KIAA1549: variants seen among roughly 807,000 people sequenced by gnomAD.
KIAA1549 encodes UPF0606 protein KIAA1549.
In KIAA1549, 70 loss-of-function variants were observed where a neutral mutation model predicts 156.4. The ratio of observed to expected loss-of-function variants is 0.45; its 90% confidence interval spans 0.37 to 0.55. The LOEUF (loss-of-function observed/expected upper bound fraction) is 0.55, where lower values mean the gene tolerates loss of function less well. Ranked by LOEUF, KIAA1549 falls within the 20% of genes least tolerant of loss-of-function variation. The pLI is 0.00. For missense variants in KIAA1549, 2,428 were observed against 2,540.9 expected (o/e 0.96, Z 0.96); for synonymous variants, 1,103 against 1,066.4 (o/e 1.03, Z -0.67).
At chr7:138,910,700 A>ATTTTTTTTTTTTT (rs10686011) in intron 4 of KIAA1549, among the ~76,000 whole-genome samples, 1 of 112,028 alleles carries the variant, frequency 8.9e-6, no homozygotes, top group Non-Finnish European at 1.7e-5. Flanking sequence ...ACTTGGTCTA[A>ATTTTTTTTTTTTT]TTTTTTTTTT....
intron 19 of KIAA1549, among the ~76,000 whole-genome samples, chr7:138,838,911 C>A (rs186497188): frequency 2.0e-5 from 3 of 152,172 alleles, no homozygotes; most frequent in Admixed American, 1.3e-4. Context: ...ATACTTGTAA[C>A]CCCAATCCTT....
In KIAA1549 at chr7:138,879,569, G is replaced by A. The variant is rs370231729; in HGVS notation, c.4314C>T (p.Asn1438=). 2.5e-5 allele frequency: 39 copies of A among 1,568,058 alleles called. No homozygotes were observed. In the African/African-American group the frequency reaches 3.0e-4, roughly 12 times the overall value. The part of the protein sequence containing the change: ...DAGDKTPGAV[N]DGRSHRAPQS... Reference sequence around the variant, plus strand: ...GCGGAGCTCTGTGGGACCTGCCATCGTTGACGGCTCCCGGCGTCTTATCTC... The same window carrying A: ...GCGGAGCTCTGTGGGACCTGCCATCATTGACGGCTCCCGGCGTCTTATCTC... Residue 1438 remains asparagine (N), a synonymous_variant, in exon 12 of 20, where the codon AAC becomes AAT. Transcript: ENST00000422774.
At chr7:138,977,686 G>A (rs1400523748) in intron 1 of KIAA1549, among the ~76,000 whole-genome samples, 4 of 105,704 alleles carry the variant, frequency 3.8e-5, no homozygotes, top group Admixed American at 8.4e-5. Context: ...ACACACACAC[G>A]GAAAGAAACA....
At chr7:138,884,490 C>T (rs757881764) in intron 10 of KIAA1549, among the ~76,000 whole-genome samples, 4 of 151,934 alleles carry the variant, frequency 2.6e-5, no homozygotes, top group Non-Finnish European at 4.4e-5. Flanking sequence ...ATATTAAAAC[C>T]GAGATTATAA....
intron 17 of KIAA1549, 73 bp from the exon 18 acceptor site, chr7:138,844,547 C>T (rs1810019251): frequency 1.5e-6 from 2 of 1,352,088 alleles, no homozygotes; most frequent in Admixed American, 6.1e-5. Flanking sequence ...GGTCCACCCC[C>T]AACCTTACAG....
Position 138,916,993 on chromosome 7 carries a change from T to G in KIAA1549, c.2633A>C (p.Asn878Thr). The change falls in exon 2 of 20, where the codon AAC becomes ACC. Residue 878 changes from asparagine (N) to threonine (T), a missense_variant. Physicochemically the swap from Asn to Thr is moderately conservative, Grantham distance 65. Coordinates refer to ENST00000422774, the MANE Select transcript of KIAA1549 (RefSeq NM_001164665.2). ...GGTTGTGCTCACTTCCGTGGAGGTG[T>G]TCAGTGGCACCTCTGTGGGTGTGAG... is the stretch of plus-strand genomic sequence containing the variant. The part of the protein sequence containing the change: ...PSLTPTEVPL[N>T]TSTEVSTTST... 6.2e-7 allele frequency: 1 copy of G among 1,600,194 alleles called. No individual in the cohort carries two copies. Among genetic ancestry groups the G allele is most frequent in the Non-Finnish European group, 8.5e-7 (1 of 1,173,068 alleles).
intron 19 of KIAA1549, among the ~76,000 whole-genome samples, chr7:138,838,894 G>A (rs1283302766): frequency 6.6e-6 from 1 of 152,146 alleles, no homozygotes; most frequent in Admixed American, 6.5e-5. Context: ...GCCAGGCACG[G>A]TGTCTCATAC....
In KIAA1549 at chr7:138,917,468, A is replaced by G; in HGVS notation, c.2158T>C (p.Ser720Pro). ...LPSRSEVSPW[S>P]SFPSDSLEFV... ...TCGAGAGAATCAGAAGGGAAGCTTG[A>G]CCATGGTGACACCTCAGAACGGCTA... is the stretch of plus-strand genomic sequence containing the variant. Residue 720 changes from serine (S) to proline (P), a missense_variant, in exon 2 of 20, where the codon TCA becomes CCA. Ser to Pro is a moderately conservative substitution (Grantham distance 74, BLOSUM62 -1). Around this residue, in one of 5 missense-constraint regions of KIAA1549, gnomAD observed 762 missense variants for 901.6 expected, o/e 0.85. Coordinates refer to ENST00000422774, the MANE Select transcript of KIAA1549 (RefSeq NM_001164665.2). 2 of 1,613,912 alleles carry G rather than the reference A, an allele frequency of 1.2e-6. No homozygotes were observed. The highest frequency in any genetic ancestry group is 1.7e-6 in the Non-Finnish European group (2 of 1,179,884).
In KIAA1549 at chr7:138,917,280, G is replaced by C. The variant is rs551976861; in HGVS notation, c.2346C>G (p.Ala782=). The change falls in exon 2 of 20, where the codon GCC becomes GCG. Residue 782 remains alanine, a synonymous_variant. Coordinates refer to ENST00000422774, the MANE Select transcript of KIAA1549 (RefSeq NM_001164665.2). ...PGSESFDILT[A]GIQATSPLTT... is the part of the protein sequence containing the mutation. Reference sequence around the variant, plus strand: ...TCAATGGTGATGTTGCTTGAATCCCGGCAGTCAAAATGTCAAAAGACTCAG... The same window carrying C: ...TCAATGGTGATGTTGCTTGAATCCCCGCAGTCAAAATGTCAAAAGACTCAG... 2.5e-6 allele frequency: 4 copies of C among 1,613,794 alleles called. No individual in the cohort carries two copies. Among genetic ancestry groups the C allele is most frequent in the Non-Finnish European group, 3.4e-6 (4 of 1,179,798 alleles).
chr7:138,892,702 G>A (rs569775684), intron 10 of KIAA1549, among the ~76,000 whole-genome samples: 11 of 152,206 alleles, frequency 7.2e-5, no homozygotes, highest in African/African-American at 2.6e-4. Context: ...CATATGAAAA[G>A]ACAAATACTC....
At chr7:138,945,482 T>C (rs1235402374) in intron 1 of KIAA1549, among the ~76,000 whole-genome samples, 1 of 152,236 alleles carries the variant, frequency 6.6e-6, no homozygotes, top group Non-Finnish European at 1.5e-5. Context: ...GCCCCTCACC[T>C]GGCAGAAGGT....
intron 1 of KIAA1549, among the ~76,000 whole-genome samples, chr7:138,946,331 G>A (rs1350722716): frequency 2.6e-5 from 4 of 152,062 alleles, no homozygotes; most frequent in African/African-American, 9.7e-5. Context: ...AAAGACTCTT[G>A]ATTACTGACC....
intron 1 of KIAA1549, among the ~76,000 whole-genome samples, chr7:138,941,989 C>T (rs1813196842): frequency 6.6e-6 from 1 of 152,196 alleles, no homozygotes; most frequent in South Asian, 2.1e-4. Flanking sequence ...CATTACAAGT[C>T]ACAATGCTCA....
intron 1 of KIAA1549, among the ~76,000 whole-genome samples, chr7:138,969,775 T>C (rs1221913122): frequency 1.5e-4 from 23 of 152,122 alleles, no homozygotes; most frequent in Admixed American, 1.3e-3. Flanking sequence ...GTATTTTTAA[T>C]AGGGACGGGG....
At chr7:138,976,804 G>T (rs1814393690) in intron 1 of KIAA1549, among the ~76,000 whole-genome samples, 1 of 152,102 alleles carries the variant, frequency 6.6e-6, no homozygotes, top group South Asian at 2.1e-4. Context: ...CAATGCTCAG[G>T]GGCTAAAACG....
At chr7:138,975,670 C>G (rs1461712601) in intron 1 of KIAA1549, among the ~76,000 whole-genome samples, 1 of 152,170 alleles carries the variant, frequency 6.6e-6, no homozygotes, top group Non-Finnish European at 1.5e-5. Context: ...TTAACAAATC[C>G]TGCTGCCTAA....
chr7:138,925,559 G>A (rs191575333), intron 1 of KIAA1549, among the ~76,000 whole-genome samples: 4 of 152,188 alleles, frequency 2.6e-5, no homozygotes, highest in East Asian at 3.9e-4. Flanking sequence ...GTGGCTCACC[G>A]CTATAATCCA....
chr7:138,851,124 CTAA>C (rs1810220174), intron 17 of KIAA1549, among the ~76,000 whole-genome samples: 1 of 152,088 alleles, frequency 6.6e-6, no homozygotes, highest in Non-Finnish European at 1.5e-5. Flanking sequence ...AAAATCAAAT[CTAA>C]TAATCTTTGT....
chr7:138,939,292 G>A (rs912127751), intron 1 of KIAA1549, among the ~76,000 whole-genome samples: 1 of 152,046 alleles, frequency 6.6e-6, no homozygotes, highest in Non-Finnish European at 1.5e-5. Context: ...TTCCTTGGTG[G>A]CCTCAAAATA....
Sources: allele counts gnomAD v4.1 joint callset (sites outside exome capture counted in the v4.1 genomes callset), GRCh38; gene constraint gnomAD v4.1.1; regional missense constraint gnomAD v4.1.1; transcripts MANE v1.5; gene names NCBI Gene and HGNC (gene_info 2026-07-23, HGNC 2026-07-21).